PRDM5: variants seen among roughly 807,000 people sequenced by gnomAD.
The protein encoded by PRDM5 is PR domain zinc finger protein 5.
PRDM5 carries 56 observed loss-of-function variants against 81.2 expected under a neutral mutation model. The ratio of observed to expected loss-of-function variants is 0.69; its 90% CI spans 0.56 to 0.86. PRDM5 has a LOEUF of 0.86. PRDM5 is among the 40% of genes least tolerant of loss of function. The probability of loss-of-function intolerance (pLI) is 0.00; values close to 1 mark genes in which losing one functional copy is unlikely to be tolerated. For synonymous variants in PRDM5, 267 were observed against 256.4 expected, an observed-to-expected ratio of 1.04 and a Z score of -0.39; for missense variants, 697 against 770.1, an observed-to-expected ratio of 0.91 and a Z score of 1.12.
intron 14 of PRDM5, among the ~76,000 whole-genome samples, chr4:120,729,753 T>G (rs1423652517): frequency 6.6e-6 from 1 of 152,188 alleles, no homozygotes; most frequent in African/African-American, 2.4e-5. Flanking sequence ...GCTTTCAAAG[T>G]TTTAAAAATA....
chr4:120,883,615 G>A (rs939395952), intron 2 of PRDM5, among the ~76,000 whole-genome samples: 8 of 151,380 alleles, frequency 5.3e-5, no homozygotes, highest in Non-Finnish European at 8.8e-5. Context: ...ATAGCATTAG[G>A]AGATATACCT....
chr4:120,806,155 C>G (rs1752886178), intron 8 of PRDM5, among the ~76,000 whole-genome samples: 1 of 152,080 alleles, frequency 6.6e-6, no homozygotes, highest in Non-Finnish European at 1.5e-5. Context: ...TGTGAAGGAC[C>G]TCTTCAAGGA....
intron 15 of PRDM5, among the ~76,000 whole-genome samples, chr4:120,699,205 T>C (rs1734999942): frequency 8.2e-6 from 1 of 122,392 alleles, no homozygotes; most frequent in African/African-American, 2.9e-5. Flanking sequence ...TATATATATA[T>C]TTCAGATGTC....
At chr4:120,814,836 A>G (rs1013133533) in intron 7 of PRDM5, among the ~76,000 whole-genome samples, 1 of 152,232 alleles carries the variant, frequency 6.6e-6, no homozygotes, top group African/African-American at 2.4e-5. Context: ...TGGCATAGTA[A>G]CCGTTAGCTA....
intron 4 of PRDM5, among the ~76,000 whole-genome samples, chr4:120,820,035 T>C (rs1755054829): frequency 6.6e-6 from 1 of 152,164 alleles, no homozygotes; most frequent in Non-Finnish European, 1.5e-5. Flanking sequence ...CTACACAAAA[T>C]GGAAAAGTAC....
chr4:120,785,305 T>C (rs560128041), intron 10 of PRDM5, among the ~76,000 whole-genome samples: 1 of 151,876 alleles, frequency 6.6e-6, no homozygotes, highest in African/African-American at 2.4e-5. Context: ...CAGTAATTAT[T>C]AACTTGATAA....
At chr4:120,726,272 A>G (rs979156458) in intron 14 of PRDM5, among the ~76,000 whole-genome samples, 2 of 152,234 alleles carry the variant, frequency 1.3e-5, no homozygotes, top group African/African-American at 4.8e-5. Context: ...CATTCTCAGA[A>G]TATATTAGGT....
intron 3 of PRDM5, among the ~76,000 whole-genome samples, chr4:120,843,169 A>T (rs1050310112): frequency 5.5e-4 from 83 of 152,060 alleles, no homozygotes; most frequent in African/African-American, 1.9e-3. Flanking sequence ...AATCCTGTCT[A>T]CTAAAAATAC....
chr4:120,718,056 T>C (rs973187867), intron 14 of PRDM5, among the ~76,000 whole-genome samples: 1 of 152,182 alleles, frequency 6.6e-6, no homozygotes, highest in Non-Finnish European at 1.5e-5. Context: ...TCTGAACATA[T>C]ATAATCATGA....
chr4:120,809,850 A>G (rs1483567962), intron 8 of PRDM5, among the ~76,000 whole-genome samples: 1 of 152,186 alleles, frequency 6.6e-6, no homozygotes, highest in Non-Finnish European at 1.5e-5. Flanking sequence ...TGAGCTAGCA[A>G]CTTATTAACA....
chr4:120,922,310 C>A (rs1725051748), intron 1 of PRDM5, among the ~76,000 whole-genome samples: 1 of 152,008 alleles, frequency 6.6e-6, no homozygotes, highest in Non-Finnish European at 1.5e-5. Context: ...ACCTACGTGG[C>A]GCTGCCTGCT....
chr4:120,709,697 A>G (rs1736674724), intron 15 of PRDM5, among the ~76,000 whole-genome samples: 1 of 121,920 alleles, frequency 8.2e-6, no homozygotes, highest in African/African-American at 2.7e-5. Flanking sequence ...CCCGCACAAA[A>G]GAACAGTGGT....
intron 14 of PRDM5, among the ~76,000 whole-genome samples, chr4:120,714,577 G>C (rs554145519): frequency 1.3e-5 from 2 of 152,044 alleles, no homozygotes; most frequent in East Asian, 3.9e-4. Flanking sequence ...AAATATTCTA[G>C]GCATTTATAT....
rs1561207124 is a variant in PRDM5 at position 120,781,125 on chromosome 4, CAGA to C, written c.1443+15_1443+17del. ...TAAACACGTAATCTGTTCAAACTAA[CAGA>C]AGACTTCCACTTACTTTCTTATGAC... is the stretch of plus-strand genomic sequence containing the variant. On this transcript the variant is annotated intron_variant, in intron 12 of 15. Transcript: ENST00000264808. 4 of 1,607,384 alleles carry C rather than the reference CAGA, an allele frequency of 2.5e-6. No individual in the cohort carries two copies. The highest frequency in any genetic ancestry group is 2.2e-5 in the East Asian group (1 of 44,812).
intron 15 of PRDM5, among the ~76,000 whole-genome samples, chr4:120,702,361 C>T (rs1496276): frequency 0.52 from 79,083 of 152,080 alleles, 23,003 homozygotes; most frequent in East Asian, 0.71. Context: ...AGAACTTTCT[C>T]GCTTCTCTTT....
intron 10 of PRDM5, among the ~76,000 whole-genome samples, chr4:120,789,029 G>A (rs1432353618): frequency 1.3e-5 from 2 of 152,160 alleles, no homozygotes; most frequent in Non-Finnish European, 2.9e-5. Flanking sequence ...CACCTCTAAT[G>A]AATGCCAAGC....
At chr4:120,899,211 G>C (rs1414320760) in intron 2 of PRDM5, among the ~76,000 whole-genome samples, 3 of 152,128 alleles carry the variant, frequency 2.0e-5, no homozygotes, top group African/African-American at 2.4e-5. Context: ...GCAGGGGCCA[G>C]AATTTCCTGT....
chr4:120,712,131 CAA>C (rs1236361306), intron 14 of PRDM5, among the ~76,000 whole-genome samples: 1 of 151,880 alleles, frequency 6.6e-6, no homozygotes, highest in African/African-American at 2.4e-5. Flanking sequence ...ACTAAAAATA[CAA>C]AAGTTAGCTG....
chr4:120,907,700 C>A, intron 1 of PRDM5, 143 bp from the exon 2 acceptor site: 1 of 742,804 alleles, frequency 1.3e-6, no homozygotes. Flanking sequence ...CTAATTTACC[C>A]AACACAAAAT....
Sources: allele counts gnomAD v4.1 joint callset (sites outside exome capture counted in the v4.1 genomes callset), GRCh38; gene constraint gnomAD v4.1.1; transcripts MANE v1.5; gene names NCBI Gene and HGNC (gene_info 2026-07-23, HGNC 2026-07-21).